The following GALNTL6 variants were observed in gnomAD, a reference collection of about 807,000 sequenced individuals.
The protein encoded by GALNTL6 is polypeptide N-acetylgalactosaminyltransferase-like 6.
Under a neutral mutation model 73.7 loss-of-function variants are expected in GALNTL6, and 46 were observed. That is an observed-to-expected ratio of 0.62 (90% CI 0.49 to 0.80). The LOEUF is 0.80. Among genes scored for constraint, GALNTL6 ranks in the 30% least tolerant of loss-of-function variants. The pLI is 0.00. For synonymous variants in GALNTL6, 259 were observed against 263.7 expected, an observed-to-expected ratio of 0.98 and a Z score of 0.17; for missense variants, 604 against 755.0, an observed-to-expected ratio of 0.80 and a Z score of 2.34.
chr4:171,821,528 C>T (rs1579482706), intron 2 of GALNTL6, among the ~76,000 whole-genome samples: 1 of 151,948 alleles, frequency 6.6e-6, no homozygotes. Context: ...TATGGCTCTT[C>T]CCTGGATCAG....
intron 2 of GALNTL6, among the ~76,000 whole-genome samples, chr4:171,883,687 G>A (rs960814508): frequency 3.4e-5 from 5 of 149,240 alleles, no homozygotes; most frequent in Admixed American, 6.7e-5. Flanking sequence ...TCGCTCTGTC[G>A]CCCAGGCTGG....
chr4:172,111,416 GTTTTA>G (rs1295292132), intron 2 of GALNTL6, among the ~76,000 whole-genome samples: 5 of 151,778 alleles, frequency 3.3e-5, no homozygotes, highest in Non-Finnish European at 7.4e-5. Context: ...ATTATTTTTA[GTTTTA>G]TTTTATTTTG....
At chr4:172,780,833 G>A (rs1379374181) in intron 5 of GALNTL6, among the ~76,000 whole-genome samples, 2 of 152,174 alleles carry the variant, frequency 1.3e-5, no homozygotes, top group African/African-American at 4.8e-5. Flanking sequence ...TATGGCTGCT[G>A]ACACCTCTGG....
intron 2 of GALNTL6, among the ~76,000 whole-genome samples, chr4:171,909,283 T>C (rs932926361): frequency 1.3e-5 from 2 of 152,144 alleles, no homozygotes; most frequent in South Asian, 2.1e-4. Flanking sequence ...TTAAGACATT[T>C]ATACAGGGTA....
At position 172,219,300 on chromosome 4, in the gene GALNTL6, G is replaced by A. The variant is rs1011398872; in HGVS notation, c.139-10356G>A. On this transcript the variant is annotated intron_variant, in intron 2 of 12. Transcript: ENST00000506823. Reference sequence around the variant, plus strand: ...AATTTTTTAAAAAAATTATTCCTTGGCATCTATGTTTCTCATTATTAATAT... The same window carrying A: ...AATTTTTTAAAAAAATTATTCCTTGACATCTATGTTTCTCATTATTAATAT... Among the ~76,000 whole-genome samples the A allele has an allele frequency of 3.1e-4, 45 of 147,266 alleles. 1 individual carries two copies. Among genetic ancestry groups the A allele is most frequent in the Admixed American group, 3.0e-3 (44 of 14,520 alleles).
chr4:172,237,772 T>G (rs1235924712), intron 3 of GALNTL6, among the ~76,000 whole-genome samples: 1 of 152,144 alleles, frequency 6.6e-6, no homozygotes, highest in Non-Finnish European at 1.5e-5. Context: ...TTATATTATG[T>G]AAGGAAGTGG....
At chr4:172,402,249 A>G (rs1744069709) in intron 5 of GALNTL6, among the ~76,000 whole-genome samples, 1 of 151,962 alleles carries the variant, frequency 6.6e-6, no homozygotes, top group Admixed American at 6.6e-5. Context: ...TAACACTGTG[A>G]TGTTGTCCCT....
chr4:172,169,707 A>G (rs144151556), intron 2 of GALNTL6, among the ~76,000 whole-genome samples: 5 of 152,294 alleles, frequency 3.3e-5, no homozygotes, highest in African/African-American at 1.2e-4. Context: ...TGATGTAACT[A>G]AATGTTGGGG....
rs375818614 is a variant in GALNTL6, at chr4:172,379,507, G to A, written c.553+30818G>A. 8.2e-4 allele frequency among the ~76,000 whole-genome samples: 109 copies of A among 132,522 alleles called. No homozygotes were observed. In the East Asian group the frequency reaches 0.02, roughly 24 times the overall value. The allele number at this position is 132,522 out of a possible 152,430, so 86.9% of individuals were successfully genotyped here. ...ATTGCGCCACTGCAGTCCGCAGTCCGGCCTGGGCGACAGAGCGAGACTCCG... is the reference window on the plus strand; with the variant it reads ...ATTGCGCCACTGCAGTCCGCAGTCCAGCCTGGGCGACAGAGCGAGACTCCG... On this transcript the variant is annotated intron_variant, in intron 5 of 12. Coordinates refer to ENST00000506823, the MANE Select transcript of GALNTL6 (RefSeq NM_001034845.3).
intron 5 of GALNTL6, among the ~76,000 whole-genome samples, chr4:172,629,501 C>T (rs1451589724): frequency 6.6e-6 from 1 of 152,004 alleles, no homozygotes; most frequent in Non-Finnish European, 1.5e-5. Context: ...AGACTTTACC[C>T]TCTATGTGAC....
intron 5 of GALNTL6, among the ~76,000 whole-genome samples, chr4:172,479,235 A>G (rs1733350860): frequency 6.6e-6 from 1 of 152,196 alleles, no homozygotes; most frequent in African/African-American, 2.4e-5. Flanking sequence ...TCACAGCACA[A>G]TTCACAATTG....
chr4:172,097,651 A>T (rs1254457173), intron 2 of GALNTL6, among the ~76,000 whole-genome samples: 5 of 152,198 alleles, frequency 3.3e-5, no homozygotes, highest in Non-Finnish European at 7.4e-5. Context: ...CAGAGCAAAA[A>T]AGGAGCTGAG....
chr4:171,846,859 A>G (rs1735384630), intron 2 of GALNTL6, among the ~76,000 whole-genome samples: 1 of 147,016 alleles, frequency 6.8e-6, no homozygotes, highest in Admixed American at 6.9e-5. Flanking sequence ...TATATAATAT[A>G]TAATTATATG....
At chr4:172,627,085 G>A (rs1739198312) in intron 5 of GALNTL6, among the ~76,000 whole-genome samples, 1 of 152,030 alleles carries the variant, frequency 6.6e-6, no homozygotes. Flanking sequence ...GTTCTCAAGG[G>A]GAATGATTCC....
At chr4:172,473,370 GT>G (rs1733121483) in intron 5 of GALNTL6, among the ~76,000 whole-genome samples, 1 of 151,914 alleles carries the variant, frequency 6.6e-6, no homozygotes, top group Admixed American at 6.6e-5. Context: ...CCATCCCTTC[GT>G]TGTTTTGCAG....
intron 2 of GALNTL6, among the ~76,000 whole-genome samples, chr4:171,983,280 A>G (rs1739963681): frequency 6.6e-6 from 1 of 151,942 alleles, no homozygotes; most frequent in Non-Finnish European, 1.5e-5. Flanking sequence ...TTTTCTTCTA[A>G]ATTCTGATAA....
intron 2 of GALNTL6, among the ~76,000 whole-genome samples, chr4:172,164,462 T>C (rs1016674113): frequency 6.6e-6 from 1 of 151,954 alleles, no homozygotes; most frequent in Admixed American, 6.6e-5. Context: ...GTAAAAACCA[T>C]CTGAAATTGA....
intron 5 of GALNTL6, among the ~76,000 whole-genome samples, chr4:172,724,916 G>A (rs977209492): frequency 6.6e-6 from 1 of 152,086 alleles, no homozygotes; most frequent in African/African-American, 2.4e-5. Flanking sequence ...CATCATCAGG[G>A]TGCTAACAAG....
At chr4:172,707,910 A>G (rs76868369) in intron 5 of GALNTL6, among the ~76,000 whole-genome samples, 3,291 of 152,184 alleles carry the variant, frequency 0.022, 116 homozygotes, top group African/African-American at 0.074. Context: ...CAGTTGGGCT[A>G]TGTAGGTCCA....
Sources: gnomAD v4.1 joint callset for allele counts (sites outside exome capture counted in the v4.1 genomes callset) on GRCh38, gnomAD v4.1.1 for gene constraint, MANE v1.5 for transcripts, NCBI Gene and HGNC (gene_info 2026-07-23, HGNC 2026-07-21) for gene names.